The following DPH6 variants were observed in gnomAD, a reference collection of about 807,000 sequenced individuals.
DPH6 encodes diphthine--ammonia ligase.
A neutral mutation model predicts 38.2 loss-of-function variants in DPH6; 33 were observed. The ratio of observed to expected loss-of-function variants is 0.86; its 90% confidence interval spans 0.65 to 1.15. The LOEUF is 1.15. Among genes scored for constraint, DPH6 ranks in the 50% most tolerant of loss-of-function variants. The pLI is 0.00. For synonymous variants in DPH6, 108 were observed against 103.0 expected (o/e 1.05, Z -0.30); for missense variants, 325 against 320.0 (o/e 1.02, Z -0.12).
the DPH6 span, among the ~76,000 whole-genome samples, chr15:35,191,230 G>A: frequency 6.6e-5 from 10 of 152,212 alleles, no homozygotes; most frequent in Non-Finnish European, 8.8e-5. Context: ...CACATACTTC[G>A]AGGTATATCC....
rs115006107 is a variant in DPH6 at position 35,520,048 on chromosome 15, C to T, written c.312+18226G>A. The T allele has an allele frequency of 6.3e-3, 968 of 153,634 alleles. 12 individuals are homozygous for T. The highest frequency in any genetic ancestry group is 0.024 in the Middle Eastern group (7 of 296). The allele number at this position is 153,634 out of a possible 1,614,324, so 9.5% of individuals were successfully genotyped here. ...GCACCCCACTGCAGAATCCTCTTTACAATCAATAGGCAACTGAATGTGGCA... is the reference window on the plus strand; with the variant it reads ...GCACCCCACTGCAGAATCCTCTTTATAATCAATAGGCAACTGAATGTGGCA... On this transcript the variant is annotated intron_variant, in intron 3 of 8. Transcript: ENST00000256538.
chr15:35,175,371 A>C, the DPH6 span, among the ~76,000 whole-genome samples: 1 of 152,228 alleles, frequency 6.6e-6, no homozygotes, highest in Non-Finnish European at 1.5e-5. Flanking sequence ...GTTATTGACA[A>C]GCATTTTTCA....
intron 5 of DPH6, among the ~76,000 whole-genome samples, chr15:35,439,528 G>C (rs2053759676): frequency 6.6e-6 from 1 of 152,206 alleles, no homozygotes; most frequent in African/African-American, 2.4e-5. Context: ...TCAAGGCTTT[G>C]ACTGGAAGGG....
rs150489368 is a variant in DPH6 at position 35,507,603 on chromosome 15, A to T, written c.312+30671T>A. ...TTAAAATTTCAAAGTAAAAAGAACT[A>T]AATTAAAACATTTATCTGTTAATAC... On this transcript the variant is annotated intron_variant, in intron 3 of 8. Coordinates refer to ENST00000256538, the MANE Select transcript of DPH6 (RefSeq NM_080650.4). Among the ~76,000 whole-genome samples the T allele has an allele frequency of 2.6e-3, 397 of 152,260 alleles. 3 individuals carry two copies. The highest frequency in any genetic ancestry group is 9.2e-3 in the African/African-American group (384 of 41,582).
At chr15:35,214,800 G>A (rs533805202), downstream of DPH6, among the ~76,000 whole-genome samples, 1 of 152,248 alleles carries the variant, frequency 6.6e-6, no homozygotes, top group African/African-American at 2.4e-5. Flanking sequence ...TAGAGATGGG[G>A]TTTCACCATG....
At chr15:35,341,153 G>A (rs561513351) in intron 3 of DPH6, among the ~76,000 whole-genome samples, 4 of 152,026 alleles carry the variant, frequency 2.6e-5, no homozygotes, top group South Asian at 2.1e-4. Flanking sequence ...TCTTTCCTCC[G>A]CTCAGTCTAT....
chr15:35,295,892 C>T (rs1028284337), intron 3 of DPH6, among the ~76,000 whole-genome samples: 3 of 151,864 alleles, frequency 2.0e-5, no homozygotes, highest in African/African-American at 7.3e-5. Flanking sequence ...TTGCCTTGAA[C>T]ATCATATTAC....
the DPH6 span, among the ~76,000 whole-genome samples, chr15:35,150,534 T>C: frequency 6.6e-6 from 1 of 152,200 alleles, no homozygotes; most frequent in Non-Finnish European, 1.5e-5. Flanking sequence ...CCATGGATCA[T>C]GGGAGTTTTA....
chr15:35,323,399 A>C lies in DPH6; in HGVS notation n.200+50122T>G, dbSNP rs556316648. ...GTGCCATTTGGGGAAGGAGGGGAAA[A>C]CATTTTGTTTCCTTTTTTTTTCTTA... On this transcript the variant is annotated intron_variant and non_coding_transcript_variant, in intron 3 of 3. Transcript: ENST00000560386. 1.7e-4 allele frequency among the ~76,000 whole-genome samples: 26 copies of C among 152,124 alleles called. 2 individuals are homozygous for C. The South Asian group carries it at 5.4e-3, about 32-fold the overall frequency.
At chr15:35,316,423 A>G (rs1463783977) in intron 3 of DPH6, among the ~76,000 whole-genome samples, 3 of 152,212 alleles carry the variant, frequency 2.0e-5, no homozygotes, top group African/African-American at 7.2e-5. Flanking sequence ...GCTGGAATGT[A>G]TAAAAAAGAA....
At chr15:35,385,634 G>C (rs1441973580) in intron 6 of DPH6, among the ~76,000 whole-genome samples, 1 of 152,000 alleles carries the variant, frequency 6.6e-6, no homozygotes, top group African/African-American at 2.4e-5. Flanking sequence ...GGCTAGGGGA[G>C]GGATAGCATT....
chr15:35,503,229 A>G lies in DPH6; in HGVS notation c.312+35045T>C, dbSNP rs139894890. ...TGTTACATACCTTTGTTATAAGTAA[A>G]TAAGTAATCTGCTTCCTAAAAAGTG... On this transcript the variant is annotated intron_variant, in intron 3 of 8. Transcript: ENST00000256538. Among the ~76,000 whole-genome samples, 490 of 152,072 alleles carry G rather than the reference A, an allele frequency of 3.2e-3. 3 individuals carry two copies. In the East Asian group the frequency reaches 0.035, roughly 11 times the overall value.
chr15:35,186,432 T>G, the DPH6 span, among the ~76,000 whole-genome samples: 4 of 152,316 alleles, frequency 2.6e-5, 1 homozygote, highest in Non-Finnish European at 5.9e-5. Flanking sequence ...TTCAACCCTT[T>G]TGTTTTAAGG....
At chr15:35,387,903 G>A (rs2140951695) in intron 6 of DPH6, among the ~76,000 whole-genome samples, 1 of 152,194 alleles carries the variant, frequency 6.6e-6, no homozygotes, top group East Asian at 1.9e-4. Flanking sequence ...GTGAGAGAGG[G>A]CATCCCTGTC....
chr15:35,383,450 G>A (rs1595516852), intron 6 of DPH6, among the ~76,000 whole-genome samples: 1 of 152,214 alleles, frequency 6.6e-6, no homozygotes, highest in Non-Finnish European at 1.5e-5. Context: ...GGCCTTGCTA[G>A]ATGATGAAGT....
intron 3 of DPH6, among the ~76,000 whole-genome samples, chr15:35,359,516 G>T (rs1011746048): frequency 6.6e-6 from 1 of 152,204 alleles, no homozygotes; most frequent in African/African-American, 2.4e-5. Context: ...GGAATGGCCT[G>T]CTAGAGGACC....
intron 7 of DPH6, among the ~76,000 whole-genome samples, chr15:35,379,442 T>C (rs1263763124): frequency 6.6e-6 from 1 of 152,210 alleles, no homozygotes; most frequent in Admixed American, 6.5e-5. Context: ...AAATGAATTC[T>C]AAATGATTGG....
At chr15:35,348,419 T>C (rs771826629) in intron 3 of DPH6, among the ~76,000 whole-genome samples, 2 of 152,212 alleles carry the variant, frequency 1.3e-5, no homozygotes, top group African/African-American at 2.4e-5. Flanking sequence ...TTCCATTGTG[T>C]AGTTTTGACA....
chr15:35,386,424 C>A (rs963173020), intron 6 of DPH6, among the ~76,000 whole-genome samples: 1 of 152,218 alleles, frequency 6.6e-6, no homozygotes, highest in Non-Finnish European at 1.5e-5. Context: ...AGTCGCCACA[C>A]CAACTTCCAC....
Sources: allele counts gnomAD v4.1 joint callset (sites outside exome capture counted in the v4.1 genomes callset), GRCh38; gene constraint gnomAD v4.1.1; transcripts MANE v1.5; gene names NCBI Gene and HGNC (gene_info 2026-07-23, HGNC 2026-07-21).